SLX4IP: variants seen among roughly 807,000 people sequenced by gnomAD.
SLX4IP encodes the protein protein SLX4IP.
Under a neutral mutation model 32.9 loss-of-function variants are expected in SLX4IP, and 34 were observed. The observed-to-expected ratio is 1.03, with a 90% CI of 0.79 to 1.38. The LOEUF is 1.38. Among genes scored for constraint, SLX4IP ranks in the 40% most tolerant of loss-of-function variants. The probability of loss-of-function intolerance (pLI) is 0.00; values close to 1 mark genes in which losing one functional copy is unlikely to be tolerated. For missense variants in SLX4IP, 444 were observed against 479.0 expected (o/e 0.93, Z 0.68); for synonymous variants, 172 against 171.7 (o/e 1.00, Z -0.01).
Position 10,435,403 on chromosome 20 carries a change from G to C in SLX4IP, c.-80G>C, listed in dbSNP as rs1331023464. 1 of 152,134 alleles carries C rather than the reference G, an allele frequency of 6.6e-6. No individual in the cohort carries two copies. The highest frequency in any genetic ancestry group is 1.9e-4 in the East Asian group (1 of 5,192). The allele number at this position is 152,134 out of a possible 1,614,324, so 9.4% of individuals were successfully genotyped here. On this transcript the variant is annotated 5_prime_UTR_variant, in exon 1 of 8. Coordinates refer to ENST00000334534, the MANE Select transcript of SLX4IP (RefSeq NM_001009608.3). ...AGGTACTACTCCGCCAGTGACCCTG[G>C]ACAGTAACAAAACATATAAAGCCCG...
At chr20:10,589,371 G>A (rs2066680650) in intron 4 of SLX4IP, among the ~76,000 whole-genome samples, 1 of 152,036 alleles carries the variant, frequency 6.6e-6, no homozygotes, top group African/African-American at 2.4e-5. Context: ...TCATGCAACT[G>A]GACAAGCTAA....
chr20:10,435,687 T>C (rs1230003134), intron 1 of SLX4IP, among the ~76,000 whole-genome samples: 2 of 152,250 alleles, frequency 1.3e-5, no homozygotes, highest in Non-Finnish European at 1.5e-5. Flanking sequence ...TAACTGTCTT[T>C]GCACAAAGGG....
intron 2 of SLX4IP, among the ~76,000 whole-genome samples, chr20:10,522,084 AC>A (rs1345192787): frequency 4.0e-5 from 6 of 151,742 alleles, no homozygotes; most frequent in Non-Finnish European, 5.9e-5. Context: ...ACTCCCTTTC[AC>A]CCCCCTTCAA....
chr20:10,464,544 A>G (rs1440259889), intron 2 of SLX4IP, among the ~76,000 whole-genome samples: 1 of 152,182 alleles, frequency 6.6e-6, no homozygotes, highest in Admixed American at 6.5e-5. Context: ...ATAATAAATA[A>G]CATTTAAAAG....
chr20:10,605,692 T>C (rs1006683320), intron 6 of SLX4IP, among the ~76,000 whole-genome samples: 2 of 152,332 alleles, frequency 1.3e-5, no homozygotes, highest in South Asian at 4.1e-4. Flanking sequence ...ACTCTTTATT[T>C]GAGTTGTGGT....
chr20:10,443,218 T>TA (rs202034677), intron 1 of SLX4IP, among the ~76,000 whole-genome samples: 93 of 150,396 alleles, frequency 6.2e-4, no homozygotes, highest in Admixed American at 2.5e-3. Context: ...GGTATAAATC[T>TA]AAAAAAAAAC....
At chr20:10,584,595 T>A (rs1338943616) in intron 4 of SLX4IP, among the ~76,000 whole-genome samples, 1 of 152,160 alleles carries the variant, frequency 6.6e-6, no homozygotes, top group African/African-American at 2.4e-5. Flanking sequence ...AAGAATGTAG[T>A]TCTCTGGCTC....
At chr20:10,539,519 T>G (rs1317401419) in intron 2 of SLX4IP, among the ~76,000 whole-genome samples, 1 of 150,248 alleles carries the variant, frequency 6.7e-6, no homozygotes, top group Non-Finnish European at 1.5e-5. Context: ...AAGAAGAAAG[T>G]GACCATCACC....
chr20:10,619,445 T>C (rs2067081936), intron 6 of SLX4IP, among the ~76,000 whole-genome samples: 1 of 152,172 alleles, frequency 6.6e-6, no homozygotes, highest in South Asian at 2.1e-4. Context: ...ATTTTAAAAA[T>C]AAATAAATAA....
At chr20:10,473,327 G>A (rs1039821080) in intron 2 of SLX4IP, among the ~76,000 whole-genome samples, 8 of 152,130 alleles carry the variant, frequency 5.3e-5, no homozygotes, top group African/African-American at 1.9e-4. Flanking sequence ...CTAAAGCACT[G>A]GTTCTCAGTG....
chr20:10,457,308 A>G (rs2065293104), intron 1 of SLX4IP, among the ~76,000 whole-genome samples: 1 of 152,226 alleles, frequency 6.6e-6, no homozygotes. Context: ...CTTAAGGGAG[A>G]AAACATTTAG....
chr20:10,585,880 C>T (rs1030658073), intron 4 of SLX4IP, among the ~76,000 whole-genome samples: 11 of 152,258 alleles, frequency 7.2e-5, no homozygotes, highest in Non-Finnish European at 8.8e-5. Flanking sequence ...CATGAGCCAC[C>T]GTGCCCAGCC....
At chr20:10,440,738 A>G (rs914116305) in intron 1 of SLX4IP, among the ~76,000 whole-genome samples, 2 of 152,166 alleles carry the variant, frequency 1.3e-5, no homozygotes, top group African/African-American at 2.4e-5. Context: ...TTTTAAAACT[A>G]TTTTATTAAT....
intron 4 of SLX4IP, among the ~76,000 whole-genome samples, chr20:10,571,772 T>A (rs1019752612): frequency 2.0e-5 from 3 of 152,308 alleles, no homozygotes; most frequent in Admixed American, 2.0e-4. Flanking sequence ...CAGGTCCCAT[T>A]TTCTTTGCTG....
At chr20:10,540,096 T>TTTCCTTCCTTCCTTCCTTCCTTCC (rs61054747) in intron 2 of SLX4IP, among the ~76,000 whole-genome samples, 8 of 111,750 alleles carry the variant, frequency 7.2e-5, no homozygotes, top group Non-Finnish European at 9.7e-5. Context: ...CCTTCCTTCC[T>TTTCCTTCCTTCCTTCCTTCCTTCC]TTCCTTCCTT....
At chr20:10,488,476 A>G (rs1457824606) in intron 2 of SLX4IP, among the ~76,000 whole-genome samples, 1 of 152,176 alleles carries the variant, frequency 6.6e-6, no homozygotes, top group Non-Finnish European at 1.5e-5. Flanking sequence ...GAACTGTGAG[A>G]GAGTACATTT....
intron 3 of SLX4IP, among the ~76,000 whole-genome samples, chr20:10,557,204 C>A (rs1342408719): frequency 6.6e-6 from 1 of 152,098 alleles, no homozygotes; most frequent in Non-Finnish European, 1.5e-5. Flanking sequence ...GGTGAAAAAA[C>A]AAAAAGCCAC....
At chr20:10,544,801 G>T (rs2066145298) in intron 2 of SLX4IP, among the ~76,000 whole-genome samples, 1 of 151,880 alleles carries the variant, frequency 6.6e-6, no homozygotes, top group African/African-American at 2.4e-5. Flanking sequence ...ATATATTCTG[G>T]TGAATATATT....
Position 10,604,604 on chromosome 20 carries a change from G to A in SLX4IP, c.405+2785G>A, listed in dbSNP as rs570388801. On this transcript the variant is annotated intron_variant, in intron 6 of 7. Coordinates refer to ENST00000334534, the MANE Select transcript of SLX4IP (RefSeq NM_001009608.3). ...AAAGGGAGTAATCCCCCTCCTTTAC[G>A]GAGCAGAGCGAATGCAGCCACGCTG... Among the ~76,000 whole-genome samples, 4 of 152,310 alleles carry A rather than the reference G, an allele frequency of 2.6e-5. No individual in the cohort carries two copies. In the East Asian group the frequency reaches 5.8e-4, roughly 22 times the overall value.
Sources: gnomAD v4.1 joint callset for allele counts (sites outside exome capture counted in the v4.1 genomes callset) on GRCh38, gnomAD v4.1.1 for gene constraint, MANE v1.5 for transcripts, NCBI Gene and HGNC (gene_info 2026-07-23, HGNC 2026-07-21) for gene names.